CAMSAP2: variants seen among roughly 807,000 people sequenced by gnomAD.
CAMSAP2 encodes the protein calmodulin regulated spectrin associated protein family member 2.
In CAMSAP2, 26 loss-of-function variants were observed where a neutral mutation model predicts 146.1. The observed-to-expected ratio is 0.18, with a 90% confidence interval of 0.13 to 0.25. The LOEUF is 0.25. CAMSAP2 is among the 10% of genes least tolerant of loss of function. The pLI is 1.00. For synonymous variants in CAMSAP2, 499 were observed against 596.6 expected (o/e 0.84, Z 2.38); for missense variants, 1,381 against 1,759.3 (o/e 0.78, Z 3.85).
chr1:200,848,838 C>G lies in CAMSAP2; in HGVS notation c.2069C>G (p.Ala690Gly). Residue 690 changes from alanine to glycine, a missense_variant, in exon 11 of 17, where the codon GCT (alanine) becomes GGT (glycine). Physicochemically the swap from Ala to Gly is moderately conservative, Grantham distance 60. Transcript: ENST00000358823. Reference sequence around the variant, plus strand: ...TCTGGAGTTAAAATGACCAGCTTTGCTGAACAAAAATTCAGGAAACTGAAT... The same window carrying G: ...TCTGGAGTTAAAATGACCAGCTTTGGTGAACAAAAATTCAGGAAACTGAAT... ...SSSGVKMTSFAEQKFRKLNHT... is the reference protein window; with the variant it reads ...SSSGVKMTSFGEQKFRKLNHT... The G allele has an allele frequency of 6.2e-7, 1 of 1,614,116 alleles. No individual in the cohort carries two copies. Among genetic ancestry groups the G allele is most frequent in the Non-Finnish European group, 8.5e-7 (1 of 1,180,006 alleles).
Position 200,848,725 on chromosome 1 carries a change from T to G in CAMSAP2, c.1956T>G (p.Ile652Met). 1 of 1,614,162 alleles carries G rather than the reference T, an allele frequency of 6.2e-7. No individual in the cohort carries two copies. Among genetic ancestry groups the G allele is most frequent in the Non-Finnish European group, 8.5e-7 (1 of 1,179,998 alleles). Residue 652 changes from isoleucine to methionine, a missense_variant, in exon 11 of 17, where the codon ATT becomes ATG. Ile to Met is a conservative substitution (Grantham distance 10). Transcript: ENST00000358823. ...CTAAATTTCTTCAGGATTATGATAT[T>G]CGAACTGGCAACACCAGGGAAGCTT... ...DASKFLQDYDIRTGNTREALS... is the reference protein window; with the variant it reads ...DASKFLQDYDMRTGNTREALS...
At chr1:200,740,182 A>G (rs988423159) in intron 1 of CAMSAP2, among the ~76,000 whole-genome samples, 1 of 152,158 alleles carries the variant, frequency 6.6e-6, no homozygotes, top group African/African-American at 2.4e-5. Flanking sequence ...GGATTTGGCC[A>G]GATTCCTTTT....
intron 6 of CAMSAP2, among the ~76,000 whole-genome samples, chr1:200,841,550 A>T (rs1156520659): frequency 6.6e-6 from 1 of 152,196 alleles, no homozygotes. Context: ...CCGGCCAAAT[A>T]AAGTATTTTT....
chr1:200,816,897 T>C (rs1353970627), intron 4 of CAMSAP2, among the ~76,000 whole-genome samples: 7 of 50,520 alleles, frequency 1.4e-4, no homozygotes, highest in Admixed American at 4.2e-4. Flanking sequence ...TGTATGTGTG[T>C]ACACACACAC....
At chr1:200,840,429 A>G (rs1667295285) in intron 6 of CAMSAP2, among the ~76,000 whole-genome samples, 1 of 151,892 alleles carries the variant, frequency 6.6e-6, no homozygotes, top group African/African-American at 2.4e-5. Flanking sequence ...GCCACCATGC[A>G]TAGCTAATTT....
intron 4 of CAMSAP2, chr1:200,828,601 T>A: frequency 1.3e-6 from 2 of 1,550,164 alleles, no homozygotes; most frequent in Non-Finnish European, 1.7e-6. Context: ...TGGAAACTGG[T>A]TCCAGTAAGT....
At position 200,810,303 on chromosome 1, in the gene CAMSAP2, G is replaced by T. The variant is rs545180987; in HGVS notation, c.561+2766G>T. On this transcript the variant is annotated intron_variant, in intron 3 of 16. Transcript: ENST00000358823. The stretch of plus-strand genomic sequence containing the variant: ...CTTATAAGAATACAGATTTGGGCCG[G>T]GCGTGGTGGCTCACACCTGTAATCC... Among the ~76,000 whole-genome samples, 12 of 152,324 alleles carry T rather than the reference G, an allele frequency of 7.9e-5. No homozygotes were observed. In the South Asian group the frequency reaches 2.5e-3, roughly 32 times the overall value.
At chr1:200,774,838 A>G (rs1427584102) in intron 2 of CAMSAP2, among the ~76,000 whole-genome samples, 3 of 152,242 alleles carry the variant, frequency 2.0e-5, no homozygotes, top group African/African-American at 7.2e-5. Context: ...TGGAGGGAAC[A>G]TCTTCAGGAA....
chr1:200,832,856 T>C lies in CAMSAP2; in HGVS notation c.927+11T>C. ...GCTTCATCCATAAAGGTAAATTAAA[T>C]TATTCTTTTTTTCCCTTTGCTTTGT... On this transcript the variant is annotated intron_variant, in intron 6 of 16. Coordinates refer to ENST00000358823, the MANE Select transcript of CAMSAP2 (RefSeq NM_203459.4). The surrounding 1 kb of genome is among the most constrained non-coding windows in gnomAD (Gnocchi z 4.2). 2 of 1,548,362 alleles carry C rather than the reference T, an allele frequency of 1.3e-6. No homozygotes were observed. The highest frequency in any genetic ancestry group is 1.7e-6 in the Non-Finnish European group (2 of 1,151,320).
At chr1:200,779,355 CT>C (rs2103020215) in intron 2 of CAMSAP2, among the ~76,000 whole-genome samples, 1 of 152,162 alleles carries the variant, frequency 6.6e-6, no homozygotes, top group Admixed American at 6.6e-5. Context: ...ATTGTAGTGA[CT>C]TTTACTGACA....
intron 4 of CAMSAP2, among the ~76,000 whole-genome samples, chr1:200,821,762 A>G (rs1666772658): frequency 6.6e-6 from 1 of 152,184 alleles, no homozygotes; most frequent in East Asian, 1.9e-4. Flanking sequence ...TCCCTGTTCT[A>G]TTATTAACTC....
intron 3 of CAMSAP2, among the ~76,000 whole-genome samples, chr1:200,808,243 T>C (rs896326341): frequency 1.3e-5 from 2 of 152,236 alleles, no homozygotes; most frequent in African/African-American, 2.4e-5. Context: ...ATCCTATTGA[T>C]TGTGGATTCC....
At chr1:200,821,880 T>A (rs2102193059) in intron 4 of CAMSAP2, among the ~76,000 whole-genome samples, 1 of 152,322 alleles carries the variant, frequency 6.6e-6, no homozygotes, top group Non-Finnish European at 1.5e-5. Flanking sequence ...TAGATTTCTC[T>A]AACAGTTTTA....
At chr1:200,749,334 A>G (rs1664433617) in intron 1 of CAMSAP2, among the ~76,000 whole-genome samples, 1 of 152,236 alleles carries the variant, frequency 6.6e-6, no homozygotes, top group Admixed American at 6.5e-5. Flanking sequence ...GATGATAGCC[A>G]TGGGCATTGT....
At chr1:200,747,739 G>C (rs1038411410) in intron 1 of CAMSAP2, among the ~76,000 whole-genome samples, 4 of 151,834 alleles carry the variant, frequency 2.6e-5, no homozygotes, top group Middle Eastern at 3.4e-3. Flanking sequence ...GGCCGGGCGC[G>C]GTGGCTCACG....
At chr1:200,769,105 G>A (rs1051145006) in intron 2 of CAMSAP2, among the ~76,000 whole-genome samples, 4 of 152,122 alleles carry the variant, frequency 2.6e-5, no homozygotes, top group Non-Finnish European at 4.4e-5. Flanking sequence ...CTGGAAGGTG[G>A]GAAAAACTAG....
chr1:200,749,867 G>C (rs561025650), intron 1 of CAMSAP2, among the ~76,000 whole-genome samples: 8 of 152,252 alleles, frequency 5.3e-5, no homozygotes, highest in African/African-American at 1.7e-4. Flanking sequence ...TCTGAAAGGA[G>C]GTAAAGAATA....
chr1:200,777,926 G>A (rs894045691), intron 2 of CAMSAP2, among the ~76,000 whole-genome samples: 4 of 152,118 alleles, frequency 2.6e-5, no homozygotes, highest in African/African-American at 7.2e-5. Flanking sequence ...GTTACAGAGC[G>A]AGAACCTGAC....
At position 200,849,102 on chromosome 1, in the gene CAMSAP2, A is replaced by G. The variant is rs1265924256; in HGVS notation, c.2333A>G (p.Gln778Arg). ...AAAATGGAAGCTGCTTTTACCAAAC[A>G]GAGACAGAAAATGGGAAGGACAGCA... ...KKKMEAAFTK[Q>R]RQKMGRTAFL... Residue 778 changes from glutamine (Q) to arginine (R), a missense_variant, in exon 11 of 17, where the codon CAG becomes CGG. Around this residue, in one of 4 missense-constraint regions of CAMSAP2, gnomAD observed 560 missense variants for 715.9 expected, o/e 0.78. Coordinates refer to ENST00000358823, the MANE Select transcript of CAMSAP2 (RefSeq NM_203459.4). This position sits in a 1 kb window ranked among gnomAD's most constrained non-coding sequence, Gnocchi z 6.3. 1 of 1,614,190 alleles carries G rather than the reference A, an allele frequency of 6.2e-7. No individual in the cohort carries two copies. The highest frequency in any genetic ancestry group is 1.1e-5 in the South Asian group (1 of 91,088).
Sources: allele counts gnomAD v4.1 joint callset (sites outside exome capture counted in the v4.1 genomes callset), GRCh38; gene constraint gnomAD v4.1.1; regional missense constraint gnomAD v4.1.1; non-coding constraint Gnocchi (gnomAD v3.1); transcripts MANE v1.5; gene names NCBI Gene and HGNC (gene_info 2026-07-23, HGNC 2026-07-21).